Variants in NF1 observed in about 807,000 individuals in gnomAD.
NF1 encodes the protein neurofibromin.
NF1 carries 122 observed loss-of-function variants against 325.7 expected under a neutral mutation model. That is an observed-to-expected ratio of 0.37 (90% CI 0.32 to 0.44). The LOEUF is 0.44. Ranked by LOEUF, NF1 falls within the 20% of genes least tolerant of loss-of-function variation. The pLI is 1.00. For missense variants in NF1, 2,140 were observed against 3,415.4 expected (o/e 0.63, Z 9.31); for synonymous variants, 1,091 against 1,186.0 (o/e 0.92, Z 1.65).
intron 36 of NF1, among the ~76,000 whole-genome samples, chr17:31,284,435 C>T (rs1003167876): frequency 6.6e-6 from 1 of 152,068 alleles, no homozygotes; most frequent in Middle Eastern, 3.2e-3. Context: ...CAGTCATGTG[C>T]TACCATGCCC....
chr17:31,356,870 A>C (rs2070282981), intron 52 of NF1, 90 bp from the exon 53 acceptor site: 2 of 1,546,580 alleles, frequency 1.3e-6, no homozygotes, highest in South Asian at 1.1e-5. Flanking sequence ...CTACTAAAGA[A>C]AGCTGTTGAA....
intron 1 of NF1, among the ~76,000 whole-genome samples, chr17:31,122,082 G>A (rs1368678911): frequency 1.3e-5 from 2 of 152,182 alleles, no homozygotes; most frequent in African/African-American, 4.8e-5. Context: ...TGAGTGGCAT[G>A]CTCACATGTT....
intron 50 of NF1, 72 bp downstream of exon 50, chr17:31,350,390 C>A: frequency 1.5e-6 from 2 of 1,321,980 alleles, no homozygotes; most frequent in Non-Finnish European, 2.2e-6. Context: ...TGGAGGCAAG[C>A]AGCAGAGTAA....
chr17:31,239,163 T>A (rs2067252265), intron 29 of NF1, among the ~76,000 whole-genome samples: 1 of 152,202 alleles, frequency 6.6e-6, no homozygotes, highest in Non-Finnish European at 1.5e-5. Context: ...AAATAACTAA[T>A]ATGCTAAGGG....
At chr17:31,174,462 T>G (rs930761004) in intron 5 of NF1, among the ~76,000 whole-genome samples, 2 of 152,208 alleles carry the variant, frequency 1.3e-5, no homozygotes, top group Non-Finnish European at 2.9e-5. Context: ...TTCTAGAGAT[T>G]CCTTATCTTA....
intron 5 of NF1, among the ~76,000 whole-genome samples, chr17:31,180,058 C>T (rs573312217): frequency 6.6e-6 from 1 of 152,172 alleles, no homozygotes; most frequent in Non-Finnish European, 1.5e-5. Flanking sequence ...AGGAAGAAGT[C>T]GAATCCCTGA....
chr17:31,235,068 C>G (rs750083079), intron 27 of NF1, among the ~76,000 whole-genome samples: 3 of 152,148 alleles, frequency 2.0e-5, no homozygotes, highest in Non-Finnish European at 4.4e-5. Context: ...GTATGTAAAT[C>G]TGGCTCATCT....
intron 8 of NF1, among the ~76,000 whole-genome samples, chr17:31,185,019 C>T (rs2143800554): frequency 6.6e-6 from 1 of 152,292 alleles, no homozygotes; most frequent in East Asian, 1.9e-4. Context: ...CCAGAAGAAA[C>T]AGCTTCCCCA....
intron 31 of NF1, 179 bp downstream of exon 31, chr17:31,253,179 A>G: frequency 1.7e-6 from 1 of 601,786 alleles, no homozygotes; most frequent in Non-Finnish European, 3.0e-6. Context: ...ACATTGAAAC[A>G]TTCTCTGTGT....
At chr17:31,365,552 A>G (rs989224846) in intron 57 of NF1, among the ~76,000 whole-genome samples, 1 of 151,816 alleles carries the variant, frequency 6.6e-6, no homozygotes, top group Admixed American at 6.6e-5. Context: ...AGTGTGCACT[A>G]TTTTTTTTAT....
chr17:31,121,395 CTTTTTTTT>C, intron 1 of NF1, among the ~76,000 whole-genome samples: 1 of 92,504 alleles, frequency 1.1e-5, no homozygotes, highest in African/African-American at 4.5e-5. Flanking sequence ...AATCACTATT[CTTTTTTTT>C]TTTTTTTTTT....
At chr17:31,181,303 C>A in intron 5 of NF1, 119 bp from the exon 6 acceptor site, 2 of 937,980 alleles carry the variant, frequency 2.1e-6, no homozygotes, top group Non-Finnish European at 3.3e-6. Context: ...CTTTACCTTT[C>A]ATTGCTTACA....
chr17:31,107,440 T>C (rs1012202100), intron 1 of NF1, among the ~76,000 whole-genome samples: 54 of 152,102 alleles, frequency 3.6e-4, no homozygotes, highest in African/African-American at 1.3e-3. Flanking sequence ...AGTTTTTAAA[T>C]TTTTTGTAGA....
At chr17:31,162,899 G>C (rs913068156) in intron 3 of NF1, among the ~76,000 whole-genome samples, 12 of 152,224 alleles carry the variant, frequency 7.9e-5, no homozygotes, top group African/African-American at 2.9e-4. Flanking sequence ...GGAAGGGCTC[G>C]TTTGGTGAAC....
At chr17:31,225,013 A>G in intron 16 of NF1, 82 bp from the exon 17 acceptor site, 1 of 1,510,246 alleles carries the variant, frequency 6.6e-7, no homozygotes, top group Non-Finnish European at 9.1e-7. Context: ...GAGAGTCTCA[A>G]ACAGGAAGAC....
intron 45 of NF1, 138 bp downstream of exon 45, chr17:31,338,277 AT>A: frequency 1.4e-6 from 1 of 696,122 alleles, no homozygotes; most frequent in Admixed American, 2.3e-5. Flanking sequence ...TTTAAAATGT[AT>A]TTTGATTATT....
intron 17 of NF1, among the ~76,000 whole-genome samples, chr17:31,225,568 A>G (rs975781675): frequency 6.6e-6 from 1 of 152,170 alleles, no homozygotes; most frequent in African/African-American, 2.4e-5. Flanking sequence ...TCCACTCCAT[A>G]AAAAACCCAT....
At chr17:31,335,658 C>T (rs2069647712) in intron 40 of NF1, among the ~76,000 whole-genome samples, 2 of 151,508 alleles carry the variant, frequency 1.3e-5, no homozygotes, top group Admixed American at 6.6e-5. Context: ...AGAAAACATC[C>T]TGGTACTTAA....
At chr17:31,188,486 A>G (rs1466831750) in intron 8 of NF1, among the ~76,000 whole-genome samples, 1 of 152,222 alleles carries the variant, frequency 6.6e-6, no homozygotes, top group Non-Finnish European at 1.5e-5. Flanking sequence ...GTATTATGTT[A>G]GGCATAATTA....
Sources: allele counts gnomAD v4.1 joint callset (sites outside exome capture counted in the v4.1 genomes callset), GRCh38; gene constraint gnomAD v4.1.1; transcripts MANE v1.5; gene names NCBI Gene and HGNC (gene_info 2026-07-23, HGNC 2026-07-21).